Variants in OSBP2 observed in about 807,000 individuals in gnomAD.
OSBP2 encodes the protein oxysterol-binding protein 2.
OSBP2 carries 66 observed loss-of-function variants against 96.0 expected under a neutral mutation model. The observed-to-expected ratio is 0.69, with a 90% CI of 0.56 to 0.84. OSBP2 has a LOEUF of 0.84. Ranked by LOEUF, OSBP2 falls within the 40% of genes least tolerant of loss-of-function variation. The pLI is 0.00. For synonymous variants in OSBP2, 525 were observed against 520.9 expected, an observed-to-expected ratio of 1.01 and a Z score of -0.11; for missense variants, 1,038 against 1,222.7, an observed-to-expected ratio of 0.85 and a Z score of 2.25.
chr22:30,756,603 G>T (rs1050603990), intron 2 of OSBP2, among the ~76,000 whole-genome samples: 1 of 152,196 alleles, frequency 6.6e-6, no homozygotes, highest in Non-Finnish European at 1.5e-5. Flanking sequence ...TGAGGCAGAA[G>T]AATCGTTCGA....
chr22:30,791,321 CTTTTTTTTTTT>C (rs869143598), intron 2 of OSBP2, among the ~76,000 whole-genome samples: 1 of 63,998 alleles, frequency 1.6e-5, no homozygotes, highest in Admixed American at 1.9e-4. Context: ...GGGGATTCTT[CTTTTTTTTTTT>C]TTTTTTTTTT....
chr22:30,737,428 A>G (rs1452723267), intron 1 of OSBP2, among the ~76,000 whole-genome samples: 1 of 149,592 alleles, frequency 6.7e-6, no homozygotes, highest in African/African-American at 2.5e-5. Context: ...GGCCCAGGCA[A>G]TCCTCTCACC....
intron 2 of OSBP2, among the ~76,000 whole-genome samples, chr22:30,745,666 CAAAAAA>C (rs71328868): frequency 5.1e-5 from 3 of 58,672 alleles, no homozygotes; most frequent in African/African-American, 1.3e-4. Context: ...GACTCTGTCT[CAAAAAA>C]AAAAAAAAAA....
chr22:30,716,821 G>A (rs1254100083), intron 1 of OSBP2, among the ~76,000 whole-genome samples: 1 of 152,110 alleles, frequency 6.6e-6, no homozygotes, highest in Non-Finnish European at 1.5e-5. Flanking sequence ...TTAACCCACT[G>A]TCAGATATAT....
chr22:30,814,439 T>TTC (rs2091055026), intron 2 of OSBP2, among the ~76,000 whole-genome samples: 1 of 151,174 alleles, frequency 6.6e-6, no homozygotes, highest in East Asian at 1.9e-4. Context: ...GTTGGGTTTT[T>TTC]TTTTTTTTTT....
chr22:30,764,782 C>T (rs983886154), intron 2 of OSBP2, among the ~76,000 whole-genome samples: 2 of 152,174 alleles, frequency 1.3e-5, no homozygotes, highest in Non-Finnish European at 2.9e-5. Context: ...CCTCAGACCC[C>T]TCAGTCCTGA....
In OSBP2 at chr22:30,870,744, G is replaced by A. The variant is rs975126177; in HGVS notation, c.1107+62G>A. On this transcript the variant is annotated intron_variant, in intron 3 of 13. Transcript: ENST00000332585. The surrounding 1 kb of genome is among the most constrained non-coding windows in gnomAD (Gnocchi z 4.1). ...CCTGGCTCCAGCCCCGGGGTCCCTC[G>A]GTGGGTGACCAGGGTCAGCTTGAAG... The A allele has an allele frequency of 1.1e-5, 17 of 1,561,988 alleles. No individual in the cohort carries two copies. Among genetic ancestry groups the A allele is most frequent in the South Asian group, 2.3e-5 (2 of 86,444 alleles).
chr22:30,722,030 C>G (rs1160808664), intron 1 of OSBP2, among the ~76,000 whole-genome samples: 1 of 152,156 alleles, frequency 6.6e-6, no homozygotes, highest in African/African-American at 2.4e-5. Context: ...GCTCAAGTAT[C>G]CTGAATTCTG....
At chr22:30,868,503 C>T (rs1201973421) in intron 2 of OSBP2, among the ~76,000 whole-genome samples, 1 of 152,270 alleles carries the variant, frequency 6.6e-6, no homozygotes, top group Non-Finnish European at 1.5e-5. Flanking sequence ...GGGACTGTCC[C>T]ATCCCCAGGC....
At chr22:30,787,510 T>C (rs979459055) in intron 2 of OSBP2, among the ~76,000 whole-genome samples, 2 of 151,900 alleles carry the variant, frequency 1.3e-5, no homozygotes, top group Admixed American at 1.3e-4. Context: ...CCATCTCAAC[T>C]AAAAATACAA....
intron 2 of OSBP2, among the ~76,000 whole-genome samples, chr22:30,781,124 C>T (rs1472981380): frequency 2.0e-5 from 3 of 151,430 alleles, no homozygotes; most frequent in South Asian, 2.1e-4. Context: ...TACAGGCATC[C>T]GCCACCATGC....
chr22:30,905,688 T>TG (rs1202342910), intron 12 of OSBP2, 149 bp from the exon 13 acceptor site: 1 of 1,200,638 alleles, frequency 8.3e-7, no homozygotes. Context: ...CTCACTGGGG[T>TG]GGGCCCAAGG....
At chr22:30,830,348 G>T (rs971552582) in intron 2 of OSBP2, among the ~76,000 whole-genome samples, 2 of 152,204 alleles carry the variant, frequency 1.3e-5, no homozygotes, top group South Asian at 2.1e-4. Context: ...TGTCAAGGCG[G>T]AAGGAGGCCA....
At chr22:30,785,588 C>G (rs1362086507) in intron 2 of OSBP2, among the ~76,000 whole-genome samples, 1 of 146,228 alleles carries the variant, frequency 6.8e-6, no homozygotes, top group Non-Finnish European at 1.5e-5. Context: ...AAAAAACAGG[C>G]TTAATCTTTC....
At position 30,874,914 on chromosome 22, in the gene OSBP2, G is replaced by A. The variant is rs146248093; in HGVS notation, c.1107+4232G>A. 7.8e-3 allele frequency among the ~76,000 whole-genome samples: 1,191 copies of A among 152,220 alleles called. 11 individuals carry two copies. Among genetic ancestry groups the A allele is most frequent in the Non-Finnish European group, 0.01 (683 of 68,014 alleles). ...CCCCGGCTCCCAGGCATACGACCACGTGGCACTTAATCCACTGTTTCAATC... is the reference window on the plus strand; with the variant it reads ...CCCCGGCTCCCAGGCATACGACCACATGGCACTTAATCCACTGTTTCAATC... On this transcript the variant is annotated intron_variant, in intron 3 of 13. Transcript: ENST00000332585.
intron 2 of OSBP2, among the ~76,000 whole-genome samples, chr22:30,841,096 C>T (rs2038744323): frequency 6.6e-6 from 1 of 151,862 alleles, no homozygotes; most frequent in South Asian, 2.1e-4. Context: ...ACCCGGGAGG[C>T]GGAGGCTGCA....
chr22:30,895,546 ACTTTC>A (rs768636578), intron 12 of OSBP2, among the ~76,000 whole-genome samples: 83,520 of 152,048 alleles, frequency 0.55, 23,339 homozygotes, highest in East Asian at 0.75. Flanking sequence ...AGAAAATTCT[ACTTTC>A]TAATTTTGTA....
intron 2 of OSBP2, among the ~76,000 whole-genome samples, chr22:30,772,096 G>A (rs1276120628): frequency 2.0e-5 from 3 of 152,174 alleles, no homozygotes; most frequent in South Asian, 2.1e-4. Context: ...AAGCCCCTGC[G>A]GCAGGCTCTG....
At chr22:30,715,388 G>T (rs1261846597) in intron 1 of OSBP2, among the ~76,000 whole-genome samples, 1 of 149,226 alleles carries the variant, frequency 6.7e-6, no homozygotes, top group Non-Finnish European at 1.5e-5. Flanking sequence ...TTTTGGCCAG[G>T]GAGGAGGGGA....
Sources: allele counts gnomAD v4.1 joint callset (sites outside exome capture counted in the v4.1 genomes callset), GRCh38; gene constraint gnomAD v4.1.1; non-coding constraint Gnocchi (gnomAD v3.1); transcripts MANE v1.5; gene names NCBI Gene and HGNC (gene_info 2026-07-23, HGNC 2026-07-21).